Variants in SQOR observed in about 807,000 individuals in gnomAD.
SQOR encodes sulfide:quinone oxidoreductase, mitochondrial.
A neutral mutation model predicts 48.6 loss-of-function variants in SQOR; 39 were observed. The observed-to-expected ratio is 0.80, with a 90% CI of 0.62 to 1.05. The LOEUF is 1.05. Among genes scored for constraint, SQOR ranks in the 50% least tolerant of loss-of-function variants. The pLI is 0.00. For missense variants in SQOR, 561 were observed against 559.9 expected (o/e 1.00, Z -0.02); for synonymous variants, 220 against 206.2 (o/e 1.07, Z -0.57).
At chr15:45,685,879 C>G (rs1890214020) in intron 7 of SQOR, among the ~76,000 whole-genome samples, 1 of 152,134 alleles carries the variant, frequency 6.6e-6, no homozygotes, top group Non-Finnish European at 1.5e-5. Context: ...CGCTCTGTCG[C>G]CCAGGGTGGA....
At chr15:45,681,807 A>G (rs1330837895) in intron 6 of SQOR, among the ~76,000 whole-genome samples, 1 of 152,236 alleles carries the variant, frequency 6.6e-6, no homozygotes, top group Non-Finnish European at 1.5e-5. Context: ...CCACTACCAA[A>G]GGTAACCTTG....
chr15:45,650,343 G>T (rs1400151122), intron 1 of SQOR, among the ~76,000 whole-genome samples: 1 of 152,190 alleles, frequency 6.6e-6, no homozygotes, highest in Non-Finnish European at 1.5e-5. Flanking sequence ...CTTAAAGGCG[G>T]CGTGTCCGGA....
chr15:45,632,205 C>A (rs1894909076), upstream of SQOR, among the ~76,000 whole-genome samples: 1 of 138,590 alleles, frequency 7.2e-6, no homozygotes, highest in Non-Finnish European at 1.6e-5. Flanking sequence ...CCCCTCCCTC[C>A]CTCCCTCCCT....
chr15:45,673,905 G>C, intron 5 of SQOR, 104 bp downstream of exon 5: 1 of 1,122,808 alleles, frequency 8.9e-7, no homozygotes, highest in Non-Finnish European at 1.2e-6. Context: ...TTTTATCTCG[G>C]AATTTTTATT....
At chr15:45,655,984 CT>C (rs1200532208) in intron 1 of SQOR, among the ~76,000 whole-genome samples, 1 of 149,232 alleles carries the variant, frequency 6.7e-6, no homozygotes, top group African/African-American at 2.5e-5. Flanking sequence ...CGTGCCTGGC[CT>C]ATTTTTTTTT....
chr15:45,655,351 A>T (rs1309761619), intron 1 of SQOR, among the ~76,000 whole-genome samples: 1 of 152,202 alleles, frequency 6.6e-6, no homozygotes, highest in Non-Finnish European at 1.5e-5. Context: ...TTTTCTGGAA[A>T]GTGAGAAGTT....
At chr15:45,644,071 A>T (rs1376938494) in intron 1 of SQOR, among the ~76,000 whole-genome samples, 1 of 152,142 alleles carries the variant, frequency 6.6e-6, no homozygotes, top group East Asian at 1.9e-4. Context: ...TAGAGACGGC[A>T]TAGAGACGGC....
intron 1 of SQOR, among the ~76,000 whole-genome samples, chr15:45,635,552 G>C (rs766832897): frequency 6.6e-6 from 1 of 152,148 alleles, no homozygotes; most frequent in Non-Finnish European, 1.5e-5. Context: ...GGGGGCGCTC[G>C]AGGGGTCGGC....
chr15:45,661,001 G>A (rs887215174), intron 2 of SQOR, among the ~76,000 whole-genome samples: 26 of 152,234 alleles, frequency 1.7e-4, no homozygotes, highest in African/African-American at 6.3e-4. Flanking sequence ...ATGGACTGTT[G>A]CTGGGCACAG....
chr15:45,659,853 A>G (rs75839029), intron 2 of SQOR, among the ~76,000 whole-genome samples: 2 of 152,184 alleles, frequency 1.3e-5, no homozygotes, highest in Non-Finnish European at 2.9e-5. Flanking sequence ...GAGAGATACA[A>G]TTCAACCCAT....
chr15:45,653,631 G>A (rs569312310), intron 1 of SQOR, among the ~76,000 whole-genome samples: 35 of 152,124 alleles, frequency 2.3e-4, no homozygotes, highest in African/African-American at 7.7e-4. Context: ...CCCTCTAATC[G>A]TAGTCACGTG....
chr15:45,638,938 G>A (rs1566913031), intron 1 of SQOR, among the ~76,000 whole-genome samples: 1 of 152,150 alleles, frequency 6.6e-6, no homozygotes, highest in African/African-American at 2.4e-5. Flanking sequence ...TCAGCACTGA[G>A]GTCTTGGACT....
intron 1 of SQOR, among the ~76,000 whole-genome samples, chr15:45,642,826 G>A (rs8036651): frequency 0.26 from 39,867 of 151,438 alleles, 6,569 homozygotes; most frequent in East Asian, 0.64. Context: ...CACGTCTTCC[G>A]AAATTATTCT....
intron 1 of SQOR, among the ~76,000 whole-genome samples, chr15:45,638,382 A>G (rs1412387410): frequency 6.6e-6 from 1 of 152,162 alleles, no homozygotes; most frequent in East Asian, 1.9e-4. Flanking sequence ...GCTTGAGCTC[A>G]GAAGTTCGAG....
intron 1 of SQOR, among the ~76,000 whole-genome samples, chr15:45,642,172 T>C (rs1457110221): frequency 6.6e-6 from 1 of 152,156 alleles, no homozygotes; most frequent in African/African-American, 2.4e-5. Context: ...ATAAATCCAG[T>C]TTTATTAAGA....
intron 1 of SQOR, among the ~76,000 whole-genome samples, chr15:45,643,529 C>T (rs1895143005): frequency 6.6e-6 from 1 of 152,150 alleles, no homozygotes; most frequent in Admixed American, 6.5e-5. Flanking sequence ...GAATTGTGAC[C>T]ATGCGAATTT....
intron 1 of SQOR, among the ~76,000 whole-genome samples, chr15:45,657,454 GA>G (rs1172181217): frequency 6.6e-6 from 1 of 152,140 alleles, no homozygotes; most frequent in African/African-American, 2.4e-5. Context: ...TAAGTTTCCA[GA>G]AGGGTTTTAT....
intron 1 of SQOR, among the ~76,000 whole-genome samples, chr15:45,636,876 G>A (rs1409817658): frequency 6.6e-6 from 1 of 152,090 alleles, no homozygotes; most frequent in Non-Finnish European, 1.5e-5. Context: ...TTCCATCTAA[G>A]TTTTTGGGTC....
upstream of SQOR, chr15:45,631,184 T>C (rs539678955): frequency 1.4e-4 from 25 of 183,922 alleles, no homozygotes; most frequent in South Asian, 2.9e-4. Flanking sequence ...AAGAAGCGCC[T>C]TTCGCCTCCC....
Sources: allele counts gnomAD v4.1 joint callset (sites outside exome capture counted in the v4.1 genomes callset), GRCh38; gene constraint gnomAD v4.1.1; transcripts MANE v1.5; gene names NCBI Gene and HGNC (gene_info 2026-07-23, HGNC 2026-07-21).